Variants in PDE1A observed in about 807,000 individuals in gnomAD.
PDE1A encodes dual specificity calcium/calmodulin-dependent 3',5'-cyclic nucleotide phosphodiesterase 1A.
Under a neutral mutation model 61.7 loss-of-function variants are expected in PDE1A, and 35 were observed. The ratio of observed to expected loss-of-function variants is 0.57; its 90% CI spans 0.43 to 0.75. The LOEUF (loss-of-function observed/expected upper bound fraction) is 0.75, where lower values mean the gene tolerates loss of function less well. Among genes scored for constraint, PDE1A ranks in the 30% least tolerant of loss-of-function variants. The probability of loss-of-function intolerance (pLI) is 0.00; values close to 1 mark genes in which losing one functional copy is unlikely to be tolerated. For missense variants in PDE1A, 597 were observed against 630.6 expected (o/e 0.95, Z 0.57); for synonymous variants, 232 against 213.2 (o/e 1.09, Z -0.77).
At chr2:182,408,340 G>C (rs139839395) in intron 1 of PDE1A, among the ~76,000 whole-genome samples, 1 of 152,218 alleles carries the variant, frequency 6.6e-6, no homozygotes, top group African/African-American at 2.4e-5. Context: ...CTACTTTCTA[G>C]CTGTATTACC....
At chr2:182,158,771 T>C (rs1245001014) in intron 13 of PDE1A, among the ~76,000 whole-genome samples, 1 of 152,204 alleles carries the variant, frequency 6.6e-6, no homozygotes, top group Non-Finnish European at 1.5e-5. Flanking sequence ...CAGATTCTTG[T>C]AGGTTTTCAC....
At chr2:182,466,155 C>T (rs1355419015) in intron 2 of PDE1A, among the ~76,000 whole-genome samples, 1 of 151,840 alleles carries the variant, frequency 6.6e-6, no homozygotes, top group Non-Finnish European at 1.5e-5. Flanking sequence ...GTCTCACAAC[C>T]CCTGAACTAA....
rs549759695 is a variant in PDE1A, at chr2:182,482,349, CTAGT to C, written c.101+39923_101+39926del. Among the ~76,000 whole-genome samples the C allele has an allele frequency of 1.5e-3, 222 of 151,642 alleles. 3 individuals are homozygous for C. The highest frequency in any genetic ancestry group is 5.0e-3 in the African/African-American group (208 of 41,378). On this transcript the variant is annotated intron_variant, in intron 2 of 14. Coordinates refer to the PDE1A transcript ENST00000410103. ...AAACCTTTAACTTAATTTTTAAAGT[CTAGT>C]TAAAGTATAAGAAAAAATATGATTA...
chr2:182,624,984 G>A, the PDE1A span, among the ~76,000 whole-genome samples: 1 of 151,872 alleles, frequency 6.6e-6, no homozygotes, highest in Non-Finnish European at 1.5e-5. Flanking sequence ...CTAATCCCCA[G>A]TGTAATGGTA....
the PDE1A span, among the ~76,000 whole-genome samples, chr2:182,563,076 G>C: frequency 1.6e-4 from 25 of 152,180 alleles, no homozygotes; most frequent in South Asian, 5.2e-3. Flanking sequence ...TCTGATTTTA[G>C]TTATCTCTTG....
chr2:182,446,963 A>T (rs1314645527), intron 2 of PDE1A, among the ~76,000 whole-genome samples: 2 of 152,048 alleles, frequency 1.3e-5, no homozygotes, highest in Non-Finnish European at 2.9e-5. Context: ...TATAGACCAC[A>T]TAGACAAATG....
At chr2:182,211,911 AT>A (rs199601086) in intron 7 of PDE1A, among the ~76,000 whole-genome samples, 1,707 of 152,148 alleles carry the variant, frequency 0.011, 12 homozygotes, top group Middle Eastern at 0.024. Flanking sequence ...ATTCTTCCAG[AT>A]TTTCTACATG....
the PDE1A span, among the ~76,000 whole-genome samples, chr2:182,599,965 C>T: frequency 6.6e-6 from 1 of 152,200 alleles, no homozygotes; most frequent in Non-Finnish European, 1.5e-5. Flanking sequence ...CAGGTTGCTA[C>T]TTCAACATGA....
chr2:182,679,094 T>G, the PDE1A span, among the ~76,000 whole-genome samples: 3 of 145,792 alleles, frequency 2.1e-5, no homozygotes, highest in East Asian at 6.6e-4. Context: ...AACCTCCACC[T>G]CCTGGGTTCA....
At chr2:182,685,526 A>C in the PDE1A span, among the ~76,000 whole-genome samples, 15 of 152,190 alleles carry the variant, frequency 9.9e-5, no homozygotes, top group Non-Finnish European at 1.3e-4. Context: ...ACTTTGTGCA[A>C]GTTATTTAAC....
At chr2:182,319,545 G>A (rs544968024) in intron 1 of PDE1A, among the ~76,000 whole-genome samples, 21 of 152,086 alleles carry the variant, frequency 1.4e-4, no homozygotes, top group African/African-American at 4.3e-4. Flanking sequence ...AGCATAATAC[G>A]CATTAATGGG....
chr2:182,160,318 G>A (rs1691308585), intron 13 of PDE1A, among the ~76,000 whole-genome samples: 1 of 152,124 alleles, frequency 6.6e-6, no homozygotes, highest in Non-Finnish European at 1.5e-5. Context: ...TTTTGGGTAT[G>A]GCTGTGAGGG....
At chr2:182,251,894 T>G (rs1439429150) in intron 2 of PDE1A, among the ~76,000 whole-genome samples, 2 of 152,156 alleles carry the variant, frequency 1.3e-5, no homozygotes. Flanking sequence ...AAAGTCAATT[T>G]TCAACAGACC....
the PDE1A span, among the ~76,000 whole-genome samples, chr2:182,604,791 C>A: frequency 1.3e-5 from 2 of 151,930 alleles, no homozygotes; most frequent in South Asian, 4.1e-4. Flanking sequence ...GTTTTGAAAG[C>A]CAGGTTATAT....
At chr2:182,548,550 G>A in the PDE1A span, among the ~76,000 whole-genome samples, 21 of 152,202 alleles carry the variant, frequency 1.4e-4, no homozygotes, top group East Asian at 1.2e-3. Flanking sequence ...CACAGACCAA[G>A]GAGACAGATG....
chr2:182,224,700 T>C (rs1214850105), intron 6 of PDE1A, among the ~76,000 whole-genome samples: 1 of 151,928 alleles, frequency 6.6e-6, no homozygotes, highest in Non-Finnish European at 1.5e-5. Context: ...ACCCTTATAC[T>C]GTACTACCCA....
intron 1 of PDE1A, among the ~76,000 whole-genome samples, chr2:182,400,446 G>A (rs942383732): frequency 2.0e-5 from 3 of 152,072 alleles, no homozygotes; most frequent in African/African-American, 4.8e-5. Context: ...ATGTGCCTTC[G>A]TATATGGCCC....
At chr2:182,219,304 A>AAAT (rs200420572) in intron 7 of PDE1A, among the ~76,000 whole-genome samples, 2,431 of 152,190 alleles carry the variant, frequency 0.016, 31 homozygotes, top group Middle Eastern at 0.041. Flanking sequence ...ATTATGAAAT[A>AAAT]AATTGGTATA....
At chr2:182,281,265 G>A (rs199700908) in intron 1 of PDE1A, among the ~76,000 whole-genome samples, 2 of 151,656 alleles carry the variant, frequency 1.3e-5, no homozygotes, top group East Asian at 1.9e-4. Flanking sequence ...TCTATAACAC[G>A]GATGCTGGTT....
Sources: gnomAD v4.1 joint callset for allele counts (sites outside exome capture counted in the v4.1 genomes callset) on GRCh38, gnomAD v4.1.1 for gene constraint, MANE v1.5 for transcripts, NCBI Gene and HGNC (gene_info 2026-07-23, HGNC 2026-07-21) for gene names.